GRAMD4: variants seen among roughly 807,000 people sequenced by gnomAD.
GRAMD4 encodes the protein GRAM domain containing 4, also known as GRAM domain-containing protein 4.
GRAMD4 carries 25 observed loss-of-function variants against 83.9 expected under a neutral mutation model. The observed-to-expected ratio is 0.30, with a 90% CI of 0.22 to 0.42. The LOEUF (loss-of-function observed/expected upper bound fraction) is 0.42, where lower values mean the gene tolerates loss of function less well. Among genes scored for constraint, GRAMD4 ranks in the 10% least tolerant of loss-of-function variants. GRAMD4 has a pLI of 1.00. For synonymous variants in GRAMD4, 336 were observed against 320.9 expected (o/e 1.05, Z -0.50); for missense variants, 593 against 788.7 (o/e 0.75, Z 2.97).
chr22:46,658,463 C>T (rs2082278452), intron 4 of GRAMD4, among the ~76,000 whole-genome samples, 156 bp downstream of exon 4: 1 of 151,596 alleles, frequency 6.6e-6, no homozygotes, highest in African/African-American at 2.4e-5. Flanking sequence ...GCTCTGACTG[C>T]CCAGGTATAG....
In GRAMD4 at chr22:46,678,528, G is replaced by A. The variant is rs914487229; in HGVS notation, c.*1277G>A. ...CTGAAGGGAGGGAAAGGCGGCTTGG[G>A]CCTCCTGGAAGGAGGTGGCCACCCC... is the stretch of plus-strand genomic sequence containing the variant. On this transcript the variant is annotated 3_prime_UTR_variant, in exon 19 of 19. Coordinates refer to ENST00000406902, the MANE Select transcript of GRAMD4 (RefSeq NM_015124.5). 1 of 985,442 alleles carries A rather than the reference G, an allele frequency of 1.0e-6. No homozygotes were observed. 61.0% of individuals were successfully genotyped at this position (985,442 alleles called of 1,614,324 possible).
chr22:46,653,738 T>A (rs573694536), intron 3 of GRAMD4, among the ~76,000 whole-genome samples: 3 of 152,292 alleles, frequency 2.0e-5, no homozygotes, highest in Admixed American at 6.5e-5. Flanking sequence ...TGGAGAGGCA[T>A]GTGGGCTGCC....
chr22:46,675,374 TG>T, intron 16 of GRAMD4, 93 bp from the exon 17 acceptor site: 1 of 818,222 alleles, frequency 1.2e-6, no homozygotes, highest in Non-Finnish European at 2.2e-6. Flanking sequence ...TCCATCCCAC[TG>T]GGGGCTGAGA....
At chr22:46,653,511 C>A in intron 3 of GRAMD4, among the ~76,000 whole-genome samples, 1 of 152,202 alleles carries the variant, frequency 6.6e-6, no homozygotes, top group East Asian at 1.9e-4. Context: ...AGGAGGGACC[C>A]GTGTCCGCAT....
intron 4 of GRAMD4, among the ~76,000 whole-genome samples, chr22:46,660,519 C>T (rs139967685): frequency 1.3e-5 from 2 of 152,296 alleles, no homozygotes; most frequent in African/African-American, 4.8e-5. Context: ...ACACATACCA[C>T]ACACTCTGAA....
At chr22:46,579,153 G>C (rs2081073740) in intron 1 of GRAMD4, among the ~76,000 whole-genome samples, 1 of 152,230 alleles carries the variant, frequency 6.6e-6, no homozygotes, top group Non-Finnish European at 1.5e-5. Flanking sequence ...ATAGCCCTGG[G>C]AGGCTGTTTA....
intron 2 of GRAMD4, among the ~76,000 whole-genome samples, chr22:46,629,482 G>A (rs1234377729): frequency 6.6e-6 from 1 of 152,118 alleles, no homozygotes; most frequent in Admixed American, 6.5e-5. Flanking sequence ...CACTGCTCCG[G>A]CCCAGGCTCA....
chr22:46,590,135 G>A (rs929163598), intron 1 of GRAMD4, among the ~76,000 whole-genome samples: 31 of 151,514 alleles, frequency 2.0e-4, no homozygotes, highest in South Asian at 6.3e-4. Context: ...TGGCCTGGGG[G>A]GCCAGAGCCC....
In GRAMD4 at chr22:46,589,543, G is replaced by T. The variant is rs191821382; in HGVS notation, c.-50+12253G>T. Reference sequence around the variant, plus strand: ...AAGACCTGCTGGGGCCAGGGGATGTGGGGGGTGGCTGCCACCTCTGCAGTG... The same window carrying T: ...AAGACCTGCTGGGGCCAGGGGATGTTGGGGGTGGCTGCCACCTCTGCAGTG... On this transcript the variant is annotated intron_variant, in intron 1 of 1. Transcript: ENST00000431155. 3.4e-4 allele frequency among the ~76,000 whole-genome samples: 51 copies of T among 152,112 alleles called. No individual in the cohort carries two copies. The East Asian group carries it at 7.7e-3, about 23-fold the overall frequency.
At position 46,621,086 on chromosome 22, in the gene GRAMD4, G is replaced by A. The variant is rs58812579; in HGVS notation, c.-50+521G>A. Among the ~76,000 whole-genome samples, 4,131 of 152,002 alleles carry A rather than the reference G, an allele frequency of 0.027. 203 individuals are homozygous for A. Among genetic ancestry groups the A allele is most frequent in the African/African-American group, 0.095 (3,931 of 41,408 alleles). On this transcript the variant is annotated intron_variant, in intron 1 of 18. Coordinates refer to ENST00000406902, the MANE Select transcript of GRAMD4 (RefSeq NM_015124.5). The surrounding 1 kb of genome is among the most constrained non-coding windows in gnomAD (Gnocchi z 5.8). The stretch of plus-strand genomic sequence containing the variant: ...TTCCTCCAGGGACCGTGGAGGGGGT[G>A]GGGATGGGCAGCTAGAAGTGGGGAG...
At chr22:46,584,255 G>A (rs879923999) in intron 1 of GRAMD4, among the ~76,000 whole-genome samples, 13 of 152,034 alleles carry the variant, frequency 8.6e-5, no homozygotes, top group African/African-American at 1.4e-4. Context: ...GGGCAGAATC[G>A]GAAACCAAGA....
intron 1 of GRAMD4, among the ~76,000 whole-genome samples, chr22:46,624,143 T>A (rs2081618558): frequency 6.6e-6 from 1 of 152,078 alleles, no homozygotes. Context: ...TTACCTGTAT[T>A]CCTTGTTTTA....
chr22:46,672,123 G>A lies in GRAMD4; in HGVS notation c.1085-720G>A, dbSNP rs1245577361. On this transcript the variant is annotated intron_variant, in intron 13 of 18. Transcript: ENST00000406902. This position sits in a 1 kb window ranked among gnomAD's most constrained non-coding sequence, Gnocchi z 4.7. The stretch of plus-strand genomic sequence containing the variant: ...TCCTGACAGCTTTTGCTGCCCAGGG[G>A]GGTGCGTTAGCAGGTGTGTGGGGGC... Among the ~76,000 whole-genome samples, 1 of 152,238 alleles carries A rather than the reference G, an allele frequency of 6.6e-6. No individual in the cohort carries two copies. Among genetic ancestry groups the A allele is most frequent in the Non-Finnish European group, 1.5e-5 (1 of 68,046 alleles).
chr22:46,625,630 G>A (rs964580668), intron 1 of GRAMD4, among the ~76,000 whole-genome samples: 3 of 152,294 alleles, frequency 2.0e-5, no homozygotes, highest in African/African-American at 7.2e-5. Flanking sequence ...TGTGTACAGA[G>A]CAGTCCTCCC....
downstream of GRAMD4, chr22:46,679,905 C>T (rs992184853): frequency 4.8e-6 from 2 of 416,642 alleles, no homozygotes; most frequent in Non-Finnish European, 6.5e-6. Context: ...TGGGGCCCCA[C>T]GGCTGCCGGC....
Position 46,620,794 on chromosome 22 carries a change from G to T in GRAMD4, c.-50+229G>T, listed in dbSNP as rs1348425931. Among the ~76,000 whole-genome samples the T allele has an allele frequency of 1.3e-5, 2 of 152,218 alleles. No individual in the cohort carries two copies. The highest frequency in any genetic ancestry group is 4.8e-5 in the African/African-American group (2 of 41,450). ...GGGGCCAGGGGTCCAGTGAGGAAGGGTGGAGGCCTCCTGAGAACCTGGCCT... is the reference window on the plus strand; with the variant it reads ...GGGGCCAGGGGTCCAGTGAGGAAGGTTGGAGGCCTCCTGAGAACCTGGCCT... On this transcript the variant is annotated intron_variant, in intron 1 of 18. Transcript: ENST00000406902. This position sits in a 1 kb window ranked among gnomAD's most constrained non-coding sequence, Gnocchi z 4.7.
upstream of GRAMD4, among the ~76,000 whole-genome samples, chr22:46,615,981 T>C (rs1386140446): frequency 2.3e-5 from 3 of 133,324 alleles, no homozygotes; most frequent in Non-Finnish European, 3.1e-5. Context: ...TAGGTTCCCC[T>C]GTGCTTGTGG....
chr22:46,585,480 G>A (rs554017853), intron 1 of GRAMD4, among the ~76,000 whole-genome samples: 52 of 152,306 alleles, frequency 3.4e-4, no homozygotes, highest in African/African-American at 1.2e-3. Context: ...GTGAGCCACC[G>A]CGCCCGGCTG....
chr22:46,630,508 C>T (rs1293109647), intron 2 of GRAMD4, among the ~76,000 whole-genome samples: 3 of 152,166 alleles, frequency 2.0e-5, no homozygotes, highest in South Asian at 2.1e-4. Context: ...CATGTGCAGC[C>T]GCGCCATGCT....
Sources: allele counts gnomAD v4.1 joint callset (sites outside exome capture counted in the v4.1 genomes callset), GRCh38; gene constraint gnomAD v4.1.1; non-coding constraint Gnocchi (gnomAD v3.1); transcripts MANE v1.5; gene names NCBI Gene and HGNC (gene_info 2026-07-23, HGNC 2026-07-21).